CSMD1: variants seen among roughly 807,000 people sequenced by gnomAD.
CSMD1 encodes CUB and sushi domain-containing protein 1.
CSMD1 carries 213 observed loss-of-function variants against 417.5 expected under a neutral mutation model. The observed-to-expected ratio is 0.51, with a 90% CI of 0.46 to 0.57. CSMD1 has a LOEUF of 0.57. Ranked by LOEUF, CSMD1 falls within the 20% of genes least tolerant of loss-of-function variation. CSMD1 has a pLI of 0.00. For synonymous variants in CSMD1, 2,862 were observed against 1,736.8 expected (o/e 1.65, Z -16.11); for missense variants, 6,923 against 4,529.7 (o/e 1.53, Z -15.17).
Position 3,760,363 on chromosome 8 carries a change from G to A in CSMD1, c.819-6321C>T, listed in dbSNP as rs574171464. ...CAACTGGGTTTTGCTTCTGCTAAGAGTTAAAATAAATGGAGGACTCATGGG... is the reference window on the plus strand; with the variant it reads ...CAACTGGGTTTTGCTTCTGCTAAGAATTAAAATAAATGGAGGACTCATGGG... On this transcript the variant is annotated intron_variant, in intron 5 of 69. Coordinates refer to ENST00000635120, the MANE Select transcript of CSMD1 (RefSeq NM_033225.6). Among the ~76,000 whole-genome samples, 34 of 152,296 alleles carry A rather than the reference G, an allele frequency of 2.2e-4. No homozygotes were observed. The South Asian group carries it at 7.0e-3, about 32-fold the overall frequency.
At chr8:3,568,752 C>G (rs1036177930) in intron 10 of CSMD1, among the ~76,000 whole-genome samples, 1 of 151,760 alleles carries the variant, frequency 6.6e-6, no homozygotes, top group African/African-American at 2.4e-5. Flanking sequence ...TATATGTATG[C>G]ATGCATACAT....
intron 5 of CSMD1, among the ~76,000 whole-genome samples, chr8:3,907,995 T>C (rs1298816147): frequency 1.3e-5 from 2 of 152,150 alleles, no homozygotes; most frequent in Admixed American, 1.3e-4. Flanking sequence ...TGTGCTCTGA[T>C]ATGTTCACAG....
At chr8:3,923,858 T>C (rs949265160) in intron 5 of CSMD1, among the ~76,000 whole-genome samples, 9 of 152,236 alleles carry the variant, frequency 5.9e-5, no homozygotes, top group African/African-American at 1.9e-4. Flanking sequence ...AGTGAAATCA[T>C]GCAGTATTTG....
intron 1 of CSMD1, among the ~76,000 whole-genome samples, chr8:4,783,683 G>C (rs1411795418): frequency 6.6e-6 from 1 of 152,156 alleles, no homozygotes; most frequent in Non-Finnish European, 1.5e-5. Context: ...CCCGAAGCCT[G>C]TACTCAGAAG....
chr8:4,822,238 G>A (rs1402857191), intron 1 of CSMD1, among the ~76,000 whole-genome samples: 10 of 152,034 alleles, frequency 6.6e-5, no homozygotes, highest in Non-Finnish European at 7.4e-5. Flanking sequence ...TACTTTCACC[G>A]TACCACTTGC....
At position 3,205,484 on chromosome 8, in the gene CSMD1, A is replaced by T. The variant is rs1213008968; in HGVS notation, c.4984+20T>A. On this transcript the variant is annotated intron_variant, in intron 31 of 69. Transcript: ENST00000635120. ...GAAAGGAAATATGACAATGAATTAAAAATACAAGGACATCCTTACCGAATT... is the reference window on the plus strand; with the variant it reads ...GAAAGGAAATATGACAATGAATTAATAATACAAGGACATCCTTACCGAATT... 10 of 1,192,724 alleles carry T rather than the reference A, an allele frequency of 8.4e-6. No homozygotes were observed. The highest frequency in any genetic ancestry group is 8.5e-6 in the Non-Finnish European group (7 of 827,616). 73.9% of individuals were successfully genotyped at this position (1,192,724 alleles called of 1,614,324 possible).
intron 31 of CSMD1, among the ~76,000 whole-genome samples, chr8:3,202,907 T>C (rs897437939): frequency 6.6e-6 from 1 of 152,120 alleles, no homozygotes; most frequent in African/African-American, 2.4e-5. Context: ...TCCCAATAGA[T>C]GAAATGCTCT....
chr8:3,183,432 G>C (rs533147501), intron 36 of CSMD1, among the ~76,000 whole-genome samples: 1 of 138,638 alleles, frequency 7.2e-6, no homozygotes, highest in African/African-American at 2.7e-5. Flanking sequence ...ACATCGAGTA[G>C]GTCTCTAACG....
chr8:3,762,954 C>A (rs1460762741), intron 5 of CSMD1, among the ~76,000 whole-genome samples: 1 of 152,178 alleles, frequency 6.6e-6, no homozygotes, highest in Non-Finnish European at 1.5e-5. Flanking sequence ...CTGCTCATCC[C>A]CCAACTCTCT....
At chr8:4,310,228 G>C (rs1032779919) in intron 3 of CSMD1, among the ~76,000 whole-genome samples, 50 of 152,262 alleles carry the variant, frequency 3.3e-4, no homozygotes, top group African/African-American at 1.2e-3. Flanking sequence ...TCAGGAATTA[G>C]CAATTAACTT....
At chr8:3,727,457 T>C (rs1359086792) in intron 6 of CSMD1, among the ~76,000 whole-genome samples, 16 of 152,186 alleles carry the variant, frequency 1.1e-4, no homozygotes, top group Non-Finnish European at 2.9e-5. Flanking sequence ...GGGTGACCAA[T>C]GTGTGCATTA....
chr8:4,304,973 G>A (rs914753540), intron 3 of CSMD1, among the ~76,000 whole-genome samples: 1 of 152,106 alleles, frequency 6.6e-6, no homozygotes, highest in African/African-American at 2.4e-5. Context: ...ACTAACGTCT[G>A]GATGGTAATG....
intron 1 of CSMD1, among the ~76,000 whole-genome samples, chr8:4,948,662 T>A (rs913252449): frequency 6.6e-6 from 1 of 152,098 alleles, no homozygotes; most frequent in Non-Finnish European, 1.5e-5. Context: ...TGTTGCTAGG[T>A]TGCTAAACTC....
intron 2 of CSMD1, among the ~76,000 whole-genome samples, chr8:4,479,975 A>AAT (rs1554492645): frequency 5.3e-5 from 8 of 151,312 alleles, no homozygotes; most frequent in African/African-American, 1.9e-4. Context: ...CAAAAAAAAA[A>AAT]AAAAATAAAA....
At chr8:4,067,649 A>T (rs1237000264) in intron 3 of CSMD1, among the ~76,000 whole-genome samples, 3 of 152,232 alleles carry the variant, frequency 2.0e-5, no homozygotes, top group African/African-American at 4.8e-5. Context: ...TTTCATTCAA[A>T]AAGAATAAAA....
In CSMD1 at chr8:4,032,007, T is replaced by C. The variant is rs1797373136; in HGVS notation, c.508A>G (p.Ser170Gly). ...TCCAAGATGTAGCCAGGGAGGCAGC[T>C]GTACCGGATTTTGTCTCCTATGTTG... ...RFNIGDKIRY[S>G]CLPGYILEGH... The change falls in exon 4 of 70, where the codon AGC (serine) becomes GGC (glycine). Residue 170 changes from serine to glycine, a missense_variant. Ser to Gly is a moderately conservative substitution (Grantham distance 56, BLOSUM62 0). Coordinates refer to ENST00000635120, the MANE Select transcript of CSMD1 (RefSeq NM_033225.6). 4.3e-6 allele frequency: 7 copies of C among 1,613,986 alleles called. No individual in the cohort carries two copies. The highest frequency in any genetic ancestry group is 5.9e-6 in the Non-Finnish European group (7 of 1,179,870).
chr8:4,655,410 C>A (rs562171605), intron 1 of CSMD1, among the ~76,000 whole-genome samples: 16 of 152,010 alleles, frequency 1.1e-4, no homozygotes, highest in Non-Finnish European at 2.1e-4. Context: ...AAATGTTAAA[C>A]AAAAACAATT....
intron 1 of CSMD1, among the ~76,000 whole-genome samples, chr8:4,952,956 C>A (rs1040486106): frequency 2.6e-5 from 4 of 152,104 alleles, no homozygotes; most frequent in Non-Finnish European, 5.9e-5. Context: ...GTAATTGATA[C>A]AAAAGTAGAA....
chr8:4,385,097 T>C (rs1015043691), intron 3 of CSMD1, among the ~76,000 whole-genome samples: 1 of 152,164 alleles, frequency 6.6e-6, no homozygotes, highest in Non-Finnish European at 1.5e-5. Context: ...CAGCTAATTT[T>C]TGTATTTTTA....
Sources: allele counts gnomAD v4.1 joint callset (sites outside exome capture counted in the v4.1 genomes callset), GRCh38; gene constraint gnomAD v4.1.1; transcripts MANE v1.5; gene names NCBI Gene and HGNC (gene_info 2026-07-23, HGNC 2026-07-21).